Variants in CREB5 observed in about 807,000 individuals in gnomAD.
CREB5 encodes cAMP responsive element binding protein 5, also known as cyclic AMP-responsive element-binding protein 5.
CREB5 carries 19 observed loss-of-function variants against 57.1 expected under a neutral mutation model. The observed-to-expected ratio is 0.33, with a 90% CI of 0.23 to 0.49. The LOEUF (loss-of-function observed/expected upper bound fraction) is 0.49. CREB5 is among the 20% of genes least tolerant of loss of function. The probability of loss-of-function intolerance (pLI) is 0.99; values close to 1 mark genes in which losing one functional copy is unlikely to be tolerated. For missense variants in CREB5, 579 were observed against 671.6 expected, an observed-to-expected ratio of 0.86 and a Z score of 1.52; for synonymous variants, 238 against 238.3, an observed-to-expected ratio of 1.00 and a Z score of 0.01.
chr7:28,696,964 CATATAT>C (rs1257139380), intron 5 of CREB5, among the ~76,000 whole-genome samples: 1 of 151,176 alleles, frequency 6.6e-6, no homozygotes, highest in Admixed American at 6.6e-5. Flanking sequence ...GTTATACACA[CATATAT>C]ATATTTGTGT....
chr7:28,399,673 T>C (rs1351604535), intron 1 of CREB5, among the ~76,000 whole-genome samples: 4 of 152,104 alleles, frequency 2.6e-5, no homozygotes, highest in South Asian at 4.1e-4. Flanking sequence ...CCCAGCACTT[T>C]TGGAGGCTGA....
intron 1 of CREB5, among the ~76,000 whole-genome samples, chr7:28,447,671 G>A (rs778669415): frequency 3.9e-5 from 6 of 152,094 alleles, no homozygotes; most frequent in Non-Finnish European, 7.4e-5. Flanking sequence ...GTGGTGAGGT[G>A]GTAATACAGC....
intron 1 of CREB5, among the ~76,000 whole-genome samples, chr7:28,396,222 G>C (rs1787331304): frequency 6.6e-6 from 1 of 152,148 alleles, no homozygotes; most frequent in Non-Finnish European, 1.5e-5. Context: ...AGATACAAAG[G>C]CTTAGAGATA....
chr7:28,629,093 G>T (rs1291419742), intron 5 of CREB5, among the ~76,000 whole-genome samples: 1 of 152,064 alleles, frequency 6.6e-6, no homozygotes, highest in Non-Finnish European at 1.5e-5. Flanking sequence ...ATGGTGCCTC[G>T]GTTTACTTGC....
chr7:28,393,278 C>T (rs1787261014), intron 1 of CREB5, among the ~76,000 whole-genome samples: 2 of 152,176 alleles, frequency 1.3e-5, no homozygotes, highest in African/African-American at 4.8e-5. Context: ...CTGAGTCTGA[C>T]TCGTCTCTCA....
At chr7:28,671,090 C>G (rs1800019148) in intron 5 of CREB5, among the ~76,000 whole-genome samples, 1 of 151,716 alleles carries the variant, frequency 6.6e-6, no homozygotes, top group Non-Finnish European at 1.5e-5. Flanking sequence ...ATAGCAAGAC[C>G]CTGTCCCTGC....
chr7:28,432,222 T>A (rs1453133758), intron 1 of CREB5, among the ~76,000 whole-genome samples: 2 of 152,204 alleles, frequency 1.3e-5, no homozygotes, highest in Non-Finnish European at 2.9e-5. Context: ...GGTAGATGCA[T>A]CTGGAACAAG....
At chr7:28,671,825 A>T (rs554924554) in intron 5 of CREB5, among the ~76,000 whole-genome samples, 2 of 152,338 alleles carry the variant, frequency 1.3e-5, no homozygotes, top group South Asian at 4.1e-4. Context: ...AAAGAAAGAT[A>T]AAAATAGCCA....
chr7:28,307,855 T>C (rs1785215967), intron 1 of CREB5, among the ~76,000 whole-genome samples: 1 of 152,154 alleles, frequency 6.6e-6, no homozygotes. Context: ...AGGCTTTGAA[T>C]GATTGATGTG....
chr7:28,473,610 T>C (rs1790923623), intron 1 of CREB5, among the ~76,000 whole-genome samples: 1 of 152,204 alleles, frequency 6.6e-6, no homozygotes, highest in South Asian at 2.1e-4. Flanking sequence ...AGACTGAGTC[T>C]TCTGACAGAA....
chr7:28,624,712 T>A (rs1797938426), intron 5 of CREB5, among the ~76,000 whole-genome samples: 1 of 151,800 alleles, frequency 6.6e-6, no homozygotes, highest in South Asian at 2.1e-4. Flanking sequence ...AAGAACTGAT[T>A]TCTTATGCCT....
chr7:28,818,328 C>T (rs1321709232), intron 10 of CREB5, 149 bp downstream of exon 10: 1 of 618,132 alleles, frequency 1.6e-6, no homozygotes. Flanking sequence ...CCAGACTATT[C>T]TTCCAAGGGG....
chr7:28,560,913 T>TGTGTGTGTGCGC (rs1211404751), intron 4 of CREB5, among the ~76,000 whole-genome samples: 257 of 21,908 alleles, frequency 0.012, 17 homozygotes, highest in African/African-American at 0.04. Flanking sequence ...CGCGTGCGTG[T>TGTGTGTGTGCGC]GCGTGTGTGC....
intron 1 of CREB5, among the ~76,000 whole-genome samples, chr7:28,400,066 T>TACACACAC (rs3041008): frequency 6.0e-5 from 9 of 150,388 alleles, no homozygotes; most frequent in East Asian, 3.9e-4. Context: ...CTGAAACAGA[T>TACACACAC]ACACACACAC....
intron 1 of CREB5, among the ~76,000 whole-genome samples, chr7:28,368,937 T>G (rs1280160199): frequency 6.6e-6 from 1 of 152,104 alleles, no homozygotes; most frequent in Non-Finnish European, 1.5e-5. Context: ...TCCCAGCTAC[T>G]TGGAAGGCTG....
At chr7:28,544,864 G>C (rs1039024558) in intron 4 of CREB5, among the ~76,000 whole-genome samples, 4 of 152,316 alleles carry the variant, frequency 2.6e-5, no homozygotes, top group African/African-American at 9.6e-5. Context: ...CATTAATCCA[G>C]TCAGTGTGCA....
chr7:28,545,895 TC>T (rs749062640), intron 4 of CREB5, among the ~76,000 whole-genome samples: 51 of 152,352 alleles, frequency 3.3e-4, no homozygotes, highest in Non-Finnish European at 7.1e-4. Context: ...TTTAAAGATT[TC>T]TTTTTGTTGC....
chr7:28,679,416 G>A (rs148995030), intron 5 of CREB5, among the ~76,000 whole-genome samples: 508 of 152,238 alleles, frequency 3.3e-3, no homozygotes, highest in African/African-American at 0.012. Flanking sequence ...GGGGTTCCAG[G>A]AAAGAGGCAG....
At chr7:28,327,677 T>C (rs1239301354) in intron 1 of CREB5, among the ~76,000 whole-genome samples, 2 of 152,226 alleles carry the variant, frequency 1.3e-5, no homozygotes, top group East Asian at 1.9e-4. Context: ...CTTTTTATCA[T>C]GGCCGCACTT....
Sources: gnomAD v4.1 joint callset for allele counts (sites outside exome capture counted in the v4.1 genomes callset) on GRCh38, gnomAD v4.1.1 for gene constraint, MANE v1.5 for transcripts, NCBI Gene and HGNC (gene_info 2026-07-23, HGNC 2026-07-21) for gene names.